Variants in HSPA5 observed in about 807,000 individuals in gnomAD.
HSPA5 encodes the protein endoplasmic reticulum chaperone BiP.
A neutral mutation model predicts 49.5 loss-of-function variants in HSPA5; 16 were observed. That is an observed-to-expected ratio of 0.32 (90% confidence interval 0.22 to 0.49). The LOEUF is 0.49. Ranked by LOEUF, HSPA5 falls within the 20% of genes least tolerant of loss-of-function variation. The pLI is 0.99. For synonymous variants in HSPA5, 271 were observed against 307.2 expected, an observed-to-expected ratio of 0.88 and a Z score of 1.23; for missense variants, 376 against 819.0, an observed-to-expected ratio of 0.46 and a Z score of 6.60.
At position 125,240,080 on chromosome 9, in the gene HSPA5, T is replaced by C. The variant is rs1832545018; in HGVS notation, c.492+92A>G. 1.0e-6 allele frequency: 1 copy of C among 977,598 alleles called. No individual in the cohort carries two copies. The highest frequency in any genetic ancestry group is 1.5e-6 in the Non-Finnish European group (1 of 663,170). The allele number at this position is 977,598 out of a possible 1,614,324, so 60.6% of individuals were successfully genotyped here. On this transcript the variant is annotated intron_variant, in intron 3 of 7. Coordinates refer to ENST00000324460, the MANE Select transcript of HSPA5 (RefSeq NM_005347.5). This position sits in a 1 kb window ranked among gnomAD's most constrained non-coding sequence, Gnocchi z 4.4. ...CATGAATACCATTCTGATTAAAATT[T>C]TTGAAACCCTTCACGAAGGCTTCTA...
In HSPA5 at chr9:125,238,690, G is replaced by C; in HGVS notation, c.1134C>G (p.Phe378Leu). Residue 378 changes from phenylalanine (F) to leucine (L), a missense_variant, in exon 6 of 8, where the codon TTC becomes TTG. By Grantham distance (22) the Phe-to-Leu change is conservative. Coordinates refer to ENST00000324460, the MANE Select transcript of HSPA5 (RefSeq NM_005347.5). Reference sequence around the variant, plus strand: ...CACGGGATGGTTCCTTGCCATTGAAGAACTCTTTAACCAGTTGCTGAATCT... The same window carrying C: ...CACGGGATGGTTCCTTGCCATTGAACAACTCTTTAACCAGTTGCTGAATCT... ...IPKIQQLVKEFFNGKEPSRGI... is the reference protein window; with the variant it reads ...IPKIQQLVKELFNGKEPSRGI... 1 of 1,614,148 alleles carries C rather than the reference G, an allele frequency of 6.2e-7. No individual in the cohort carries two copies. The highest frequency in any genetic ancestry group is 8.5e-7 in the Non-Finnish European group (1 of 1,180,034).
chr9:125,240,714 G>C lies in HSPA5; in HGVS notation c.316C>G (p.Pro106Ala), dbSNP rs1832554328. 6.2e-7 allele frequency: 1 copy of C among 1,614,176 alleles called. No homozygotes were observed. The change falls in exon 2 of 8, where the codon CCG becomes GCG. Residue 106 changes from proline (P) to alanine (A), a missense_variant. Physicochemically the swap from Pro to Ala is conservative, Grantham distance 27. Around this residue, in one of 8 missense-constraint regions of HSPA5, gnomAD observed 89 missense variants for 200.0 expected, o/e 0.44. Transcript: ENST00000324460. This position sits in a 1 kb window ranked among gnomAD's most constrained non-coding sequence, Gnocchi z 4.4. Reference protein sequence around the residue: ...KRLIGRTWNDPSVQQDIKFLP... With the variant: ...KRLIGRTWNDASVQQDIKFLP... ...AACTTGATGTCCTGCTGCACAGACG[G>C]GTCATTCCACGTGCGGCCGATGAGC...
Position 125,236,986 on chromosome 9 carries a change from A to G in HSPA5, c.1571T>C (p.Ile524Thr). The change falls in exon 8 of 8, where the codon ATC becomes ACC. Residue 524 changes from isoleucine to threonine, a missense_variant. By Grantham distance (89) the Ile-to-Thr change is moderately conservative. Around this residue, in one of 8 missense-constraint regions of HSPA5, gnomAD observed 71 missense variants for 169.9 expected, o/e 0.42. Coordinates refer to ENST00000324460, the MANE Select transcript of HSPA5 (RefSeq NM_005347.5). ...GCGATTCTGGTCATTGGTGATTGTG[A>G]TCTTATTTTTGTTCCCTGTACCCTT... ...EDKGTGNKNK[I>T]TITNDQNRLT... 1 of 1,613,844 alleles carries G rather than the reference A, an allele frequency of 6.2e-7. No homozygotes were observed. The highest frequency in any genetic ancestry group is 8.5e-7 in the Non-Finnish European group (1 of 1,179,860).
intron 6 of HSPA5, 119 bp downstream of exon 6, chr9:125,238,471 T>C (rs1401882886): frequency 4.1e-6 from 4 of 981,624 alleles, no homozygotes; most frequent in Non-Finnish European, 3.1e-6. Flanking sequence ...TCTTCACTTA[T>C]ACCCTTTACT....
intron 7 of HSPA5, among the ~76,000 whole-genome samples, chr9:125,237,617 G>A (rs902297518): frequency 6.6e-6 from 1 of 150,478 alleles, no homozygotes; most frequent in African/African-American, 2.5e-5. Flanking sequence ...TCGGGAGGCA[G>A]AGGTTGCAAG....
At position 125,240,817 on chromosome 9, in the gene HSPA5, T is replaced by C. The variant is rs143341553; in HGVS notation, c.213A>G (p.Glu71=). The C allele has an allele frequency of 6.2e-7, 1 of 1,614,224 alleles. No homozygotes were observed. ...ITPSYVAFTP[E]GERLIGDAAK... The stretch of plus-strand genomic sequence containing the variant: ...CGGCATCGCCAATCAGACGTTCCCC[T>C]TCAGGAGTGAAGGCGACATAGGACG... Residue 71 remains glutamate (E), a synonymous_variant, in exon 2 of 8, where the codon GAA becomes GAG. Coordinates refer to ENST00000324460, the MANE Select transcript of HSPA5 (RefSeq NM_005347.5). The surrounding 1 kb of genome is among the most constrained non-coding windows in gnomAD (Gnocchi z 4.4).
Position 125,237,168 on chromosome 9 carries a change from A to G in HSPA5, c.1403-14T>C, listed in dbSNP as rs1473296568. ...GGGGTCTTTCACCTAGAAGTTACAT[A>G]CAGAAAAACTTGTTAGTTGTTACTG... On this transcript the variant is annotated splice_polypyrimidine_tract_variant and intron_variant, in intron 7 of 7. Coordinates refer to ENST00000324460, the MANE Select transcript of HSPA5 (RefSeq NM_005347.5). The G allele has an allele frequency of 6.3e-7, 1 of 1,578,970 alleles. No individual in the cohort carries two copies. The highest frequency in any genetic ancestry group is 1.4e-5 in the African/African-American group (1 of 73,796).
In HSPA5 at chr9:125,240,477, T is replaced by C. The variant is rs1043282526; in HGVS notation, c.355-168A>G. 9.2e-5 allele frequency among the ~76,000 whole-genome samples: 14 copies of C among 152,234 alleles called. No homozygotes were observed. The highest frequency in any genetic ancestry group is 3.2e-3 in the Middle Eastern group (1 of 316). Reference sequence around the variant, plus strand: ...TCTTACAAAGTTCAGTTTTAATCGGTCTTTTATTCCTAAACTATCGTAGAC... The same window carrying C: ...TCTTACAAAGTTCAGTTTTAATCGGCCTTTTATTCCTAAACTATCGTAGAC... On this transcript the variant is annotated intron_variant, in intron 2 of 7. Coordinates refer to ENST00000324460, the MANE Select transcript of HSPA5 (RefSeq NM_005347.5). This position sits in a 1 kb window ranked among gnomAD's most constrained non-coding sequence, Gnocchi z 4.4.
In HSPA5 at chr9:125,236,539, CA is replaced by C. The variant is rs1832497649; in HGVS notation, c.*52del. ...TTAAGTTCTTTCAATTTTTTCCTAA[CA>C]AAAGTTCCTGAGTCCAGTATTTACA... On this transcript the variant is annotated 3_prime_UTR_variant, in exon 8 of 8. Transcript: ENST00000324460. 2.3e-6 allele frequency: 3 copies of C among 1,326,060 alleles called. No homozygotes were observed. Among genetic ancestry groups the C allele is most frequent in the Non-Finnish European group, 2.1e-6 (2 of 967,594 alleles). 82.1% of individuals were successfully genotyped at this position (1,326,060 alleles called of 1,614,324 possible).
intron 6 of HSPA5, 79 bp downstream of exon 6, chr9:125,238,511 G>T (rs1003480777): frequency 4.1e-6 from 5 of 1,233,096 alleles, no homozygotes; most frequent in African/African-American, 1.5e-5. Flanking sequence ...TCATATTCTG[G>T]TATTTTCTAA....
chr9:125,238,116 G>T (rs1832520491), intron 7 of HSPA5, 25 bp downstream of exon 7: 3 of 1,586,110 alleles, frequency 1.9e-6, no homozygotes, highest in East Asian at 2.2e-5. Context: ...AAAAAGCCAT[G>T]ATATTAACAA....
At position 125,234,855 on chromosome 9, in the gene HSPA5, G is replaced by A. The variant is rs1832465179; in HGVS notation, c.*1737C>T. 1.3e-5 allele frequency: 2 copies of A among 152,028 alleles called. No individual in the cohort carries two copies. Among genetic ancestry groups the A allele is most frequent in the Non-Finnish European group, 2.9e-5 (2 of 68,028 alleles). 9.4% of individuals were successfully genotyped at this position (152,028 alleles called of 1,614,324 possible). ...AACTATAGACATCAGACACATAGTTGAAGTCTATCTTTTTAATATTCAGTA... is the reference window on the plus strand; with the variant it reads ...AACTATAGACATCAGACACATAGTTAAAGTCTATCTTTTTAATATTCAGTA... On this transcript the variant is annotated 3_prime_UTR_variant, in exon 8 of 8. Transcript: ENST00000324460.
intron 6 of HSPA5, 104 bp downstream of exon 6, chr9:125,238,486 G>T: frequency 9.5e-7 from 1 of 1,049,678 alleles, no homozygotes; most frequent in Non-Finnish European, 1.4e-6. Context: ...TTTACTAGCT[G>T]TGTGACCTTG....
At chr9:125,238,014 A>G in intron 7 of HSPA5, 127 bp downstream of exon 7, 1 of 688,840 alleles carries the variant, frequency 1.5e-6, no homozygotes, top group Non-Finnish European at 2.5e-6. Context: ...AGGCAGGAGA[A>G]TCACTTGAAC....
At position 125,238,710 on chromosome 9, in the gene HSPA5, G is replaced by C. The variant is rs1351604160; in HGVS notation, c.1114C>G (p.Gln372Glu). ...TTGAAGAACTCTTTAACCAGTTGCT[G>C]AATCTTTGGAATTCGAGTCGAGCCA... ...VGGSTRIPKI[Q>E]QLVKEFFNGK... is the part of the protein sequence containing the mutation. Residue 372 changes from glutamine (Q) to glutamate (E), a missense_variant, in exon 6 of 8, where the codon CAG (glutamine) becomes GAG (glutamate). Around this residue, in one of 8 missense-constraint regions of HSPA5, gnomAD observed 89 missense variants for 155.9 expected, o/e 0.57. Coordinates refer to ENST00000324460, the MANE Select transcript of HSPA5 (RefSeq NM_005347.5). 2 of 1,614,004 alleles carry C rather than the reference G, an allele frequency of 1.2e-6. No homozygotes were observed. Among genetic ancestry groups the C allele is most frequent in the Non-Finnish European group, 1.7e-6 (2 of 1,180,016 alleles).
rs1048631466 is a variant in HSPA5, at chr9:125,241,311, G to A, written c.-185C>T. 1.2e-5 allele frequency: 8 copies of A among 648,598 alleles called. No homozygotes were observed. The highest frequency in any genetic ancestry group is 6.0e-5 in the Admixed American group (2 of 33,510). 40.2% of individuals were successfully genotyped at this position (648,598 alleles called of 1,614,324 possible). ...CTCACACTCGCGAAACACCCCAATA[G>A]GTCAATCTGTCTGTGCTGTCTTGGC... On this transcript the variant is annotated 5_prime_UTR_variant, in exon 1 of 8. Transcript: ENST00000324460.
At chr9:125,237,537 G>A (rs1343117647) in intron 7 of HSPA5, among the ~76,000 whole-genome samples, 2 of 152,010 alleles carry the variant, frequency 1.3e-5, no homozygotes, top group South Asian at 2.1e-4. Flanking sequence ...CCAACATGGC[G>A]AAACTCCGCC....
rs1832487092 is a variant in HSPA5, at chr9:125,236,024, C to CT, written c.*567dup. On this transcript the variant is annotated 3_prime_UTR_variant, in exon 8 of 8. Transcript: ENST00000324460. ...AAAGCCGAGCATGGTGGTAACAAGC[C>CT]TGTGGTCTCAATTAGCTGGGAGACT... 1 of 150,998 alleles carries CT rather than the reference C, an allele frequency of 6.6e-6. No individual in the cohort carries two copies. The highest frequency in any genetic ancestry group is 6.6e-5 in the Admixed American group (1 of 15,060). 9.4% of individuals were successfully genotyped at this position (150,998 alleles called of 1,614,324 possible).
At position 125,241,098 on chromosome 9, in the gene HSPA5, A is replaced by G. The variant is rs1168692147; in HGVS notation, c.29T>C (p.Leu10Pro). The change falls in exon 1 of 8, where the codon CTG becomes CCG. Residue 10 changes from leucine to proline, a missense_variant. Physicochemically the swap from Leu to Pro is moderately conservative, Grantham distance 98 (BLOSUM62 -3). Transcript: ENST00000324460. The stretch of plus-strand genomic sequence containing the variant: ...GGCCCGCGCCGCGCTGAGCAGCAGC[A>G]GCATCGCGGCCACCAGGGAGAGCTT... The part of the protein sequence containing the change: MKLSLVAAM[L>P]LLLSAARAEE... 1 of 1,613,248 alleles carries G rather than the reference A, an allele frequency of 6.2e-7. No individual in the cohort carries two copies. Among genetic ancestry groups the G allele is most frequent in the Non-Finnish European group, 8.5e-7 (1 of 1,179,822 alleles).
Sources: allele counts gnomAD v4.1 joint callset (sites outside exome capture counted in the v4.1 genomes callset), GRCh38; gene constraint gnomAD v4.1.1; regional missense constraint gnomAD v4.1.1; non-coding constraint Gnocchi (gnomAD v3.1); transcripts MANE v1.5; gene names NCBI Gene and HGNC (gene_info 2026-07-23, HGNC 2026-07-21).